Variants in SLC35A3 observed in about 807,000 individuals in gnomAD.
The protein encoded by SLC35A3 is solute carrier family 35 member A3.
A neutral mutation model predicts 39.0 loss-of-function variants in SLC35A3; 26 were observed. That is an observed-to-expected ratio of 0.67 (90% confidence interval 0.49 to 0.92). The LOEUF (loss-of-function observed/expected upper bound fraction) is 0.92. Ranked by LOEUF, SLC35A3 falls within the 40% of genes least tolerant of loss-of-function variation. The pLI is 0.00. For missense variants in SLC35A3, 299 were observed against 371.6 expected (o/e 0.80, Z 1.61); for synonymous variants, 135 against 133.1 (o/e 1.01, Z -0.10).
At chr1:99,974,485 CT>C (rs1432993537) in intron 1 of SLC35A3, among the ~76,000 whole-genome samples, 1 of 151,994 alleles carries the variant, frequency 6.6e-6, no homozygotes, top group East Asian at 1.9e-4. Context: ...CTTGGATGTG[CT>C]TTTTTGTTTT....
chr1:99,981,734 G>A (rs901284392), intron 1 of SLC35A3, among the ~76,000 whole-genome samples: 27 of 152,116 alleles, frequency 1.8e-4, no homozygotes, highest in African/African-American at 6.5e-4. Context: ...GCTCACCTCA[G>A]CCTCCCAAAG....
chr1:100,025,532 A>G lies in SLC35A3; in HGVS notation c.*3056A>G, dbSNP rs999638094. On this transcript the variant is annotated 3_prime_UTR_variant, in exon 8 of 8. Coordinates refer to ENST00000533028, the MANE Select transcript of SLC35A3 (RefSeq NM_012243.3). ...CAAAGCACAATTTTATTAGACAGGC[A>G]TAATTTACATTTTGCTTTTCTAGTG... 3.9e-5 allele frequency: 6 copies of G among 152,344 alleles called. No individual in the cohort carries two copies. Among genetic ancestry groups the G allele is most frequent in the East Asian group, 3.9e-4 (2 of 5,192 alleles). The allele number at this position is 152,344 out of a possible 1,614,324, so 9.4% of individuals were successfully genotyped here.
At chr1:99,991,294 G>A (rs539107861) in intron 1 of SLC35A3, among the ~76,000 whole-genome samples, 2 of 152,172 alleles carry the variant, frequency 1.3e-5, no homozygotes, top group African/African-American at 4.8e-5. Context: ...ACAGGTGCCC[G>A]CCACCATGCC....
chr1:99,970,177 C>T lies in SLC35A3; in HGVS notation c.-19+15C>T, dbSNP rs1656716255. 5.7e-6 allele frequency: 1 copy of T among 176,880 alleles called. No homozygotes were observed. The highest frequency in any genetic ancestry group is 1.2e-5 in the Non-Finnish European group (1 of 83,550). 11.0% of individuals were successfully genotyped at this position (176,880 alleles called of 1,614,324 possible). Reference sequence around the variant, plus strand: ...CTGCGCGGGAGGTGAGTCCTCAGCGCACCTGGGGAGGGGCGGGAACCAGGA... The same window carrying T: ...CTGCGCGGGAGGTGAGTCCTCAGCGTACCTGGGGAGGGGCGGGAACCAGGA... On this transcript the variant is annotated intron_variant, in intron 1 of 7. Transcript: ENST00000533028.
chr1:100,020,674 C>T (rs1010079108), intron 7 of SLC35A3, among the ~76,000 whole-genome samples: 1 of 152,090 alleles, frequency 6.6e-6, no homozygotes, highest in African/African-American at 2.4e-5. Flanking sequence ...TATGGTTGAG[C>T]AGGGGAGTGG....
chr1:100,014,442 A>C (rs1195998202), intron 5 of SLC35A3, among the ~76,000 whole-genome samples: 1 of 152,132 alleles, frequency 6.6e-6, no homozygotes, highest in Non-Finnish European at 1.5e-5. Context: ...GGTGGGTCTT[A>C]AACTCCTGGG....
At position 100,023,747 on chromosome 1, in the gene SLC35A3, G is replaced by A; in HGVS notation, c.*1271G>A. The A allele has an allele frequency of 6.6e-6, 1 of 152,406 alleles. No homozygotes were observed. The highest frequency in any genetic ancestry group is 2.4e-5 in the African/African-American group (1 of 41,574). The allele number at this position is 152,406 out of a possible 1,614,324, so 9.4% of individuals were successfully genotyped here. Reference sequence around the variant, plus strand: ...GAGAAGGCCTGGCGCAGTGGCTCACGCCTGTAATCCTAGCAGTTTGGGAGG... The same window carrying A: ...GAGAAGGCCTGGCGCAGTGGCTCACACCTGTAATCCTAGCAGTTTGGGAGG... On this transcript the variant is annotated 3_prime_UTR_variant, in exon 8 of 8. Coordinates refer to ENST00000533028, the MANE Select transcript of SLC35A3 (RefSeq NM_012243.3).
At position 100,032,377 on chromosome 1, in the gene SLC35A3, TA is replaced by T. The variant is rs1390769480; in HGVS notation, c.*9907del. On this transcript the variant is annotated 3_prime_UTR_variant, in exon 8 of 8. Transcript: ENST00000533028. ...TATTAGTTTATATTCTTTTTTAAAA[TA>T]AAAAAGTATATTTCCCTCCTGTTTC... 3 of 152,098 alleles carry T rather than the reference TA, an allele frequency of 2.0e-5. No individual in the cohort carries two copies. The highest frequency in any genetic ancestry group is 2.1e-4 in the South Asian group (1 of 4,826). 9.4% of individuals were successfully genotyped at this position (152,098 alleles called of 1,614,324 possible).
chr1:99,973,053 G>C (rs1656912627), intron 1 of SLC35A3, among the ~76,000 whole-genome samples: 2 of 152,322 alleles, frequency 1.3e-5, no homozygotes, highest in South Asian at 4.1e-4. Flanking sequence ...CGAGTGATTG[G>C]ATAAGTTACA....
intron 3 of SLC35A3, among the ~76,000 whole-genome samples, chr1:100,001,391 T>C (rs1658788128): frequency 6.6e-6 from 1 of 152,170 alleles, no homozygotes; most frequent in Admixed American, 6.6e-5. Context: ...CATCCGTGTT[T>C]TGTAGTTTTT....
At chr1:99,989,867 T>C (rs1657972272) in intron 1 of SLC35A3, among the ~76,000 whole-genome samples, 1 of 151,698 alleles carries the variant, frequency 6.6e-6, no homozygotes, top group Non-Finnish European at 1.5e-5. Context: ...CTGGGCTCAA[T>C]TGATCCTCCT....
chr1:99,999,408 C>T lies in SLC35A3; in HGVS notation c.335C>T (p.Thr112Ile), dbSNP rs1658617074. The T allele has an allele frequency of 1.3e-6, 2 of 1,578,768 alleles. No individual in the cohort carries two copies. Among genetic ancestry groups the T allele is most frequent in the Admixed American group, 2.0e-5 (1 of 50,544 alleles). The stretch of plus-strand genomic sequence containing the variant: ...GCACTATCAAATCTAGATGCAGCTA[C>T]TTATCAGGTACTTAAAATACATTTC... ...YVALSNLDAA[T>I]YQVTYQLKIL... Residue 112 changes from threonine to isoleucine, a missense_variant, in exon 3 of 8, where the codon ACT becomes ATT. Coordinates refer to ENST00000533028, the MANE Select transcript of SLC35A3 (RefSeq NM_012243.3).
intron 2 of SLC35A3, among the ~76,000 whole-genome samples, 178 bp from the exon 3 acceptor site, chr1:99,999,083 A>G (rs1160888058): frequency 6.6e-6 from 1 of 152,118 alleles, no homozygotes; most frequent in African/African-American, 2.4e-5. Context: ...TTCTTAATAC[A>G]TTATAATATT....
At chr1:99,999,468 A>G in intron 3 of SLC35A3, 53 bp downstream of exon 3, 6 of 1,146,892 alleles carry the variant, frequency 5.2e-6, no homozygotes, top group Non-Finnish European at 7.4e-6. Context: ...CTTATACATA[A>G]TAATTGTATA....
intron 1 of SLC35A3, among the ~76,000 whole-genome samples, chr1:99,989,413 A>T (rs1235033829): frequency 1.3e-5 from 2 of 151,330 alleles, no homozygotes; most frequent in Admixed American, 6.6e-5. Flanking sequence ...CCTCCTGAGT[A>T]GCTGGGATTA....
At chr1:100,001,756 T>TA (rs1306926905) in intron 3 of SLC35A3, among the ~76,000 whole-genome samples, 1 of 152,176 alleles carries the variant, frequency 6.6e-6, no homozygotes, top group African/African-American at 2.4e-5. Flanking sequence ...TTCAGTATGA[T>TA]ATTAGTTGTG....
chr1:100,019,848 C>A (rs1660410016), intron 7 of SLC35A3, among the ~76,000 whole-genome samples: 1 of 152,166 alleles, frequency 6.6e-6, no homozygotes. Flanking sequence ...TCTACTGATA[C>A]AATATCACTG....
Position 100,017,664 on chromosome 1 carries a change from A to AT in SLC35A3, c.754-11dup. On this transcript the variant is annotated splice_polypyrimidine_tract_variant and intron_variant, in intron 6 of 7. Transcript: ENST00000533028. ...GTTTTACATGTGTGTTTTAAAAAAT[A>AT]TTTTTTTAAAACTTCAGGCACTTGG... is the stretch of plus-strand genomic sequence containing the variant. 6.8e-6 allele frequency: 10 copies of AT among 1,476,102 alleles called. No individual in the cohort carries two copies. Among genetic ancestry groups the AT allele is most frequent in the Non-Finnish European group, 8.2e-6 (9 of 1,102,798 alleles). The allele number at this position is 1,476,102 out of a possible 1,614,324, so 91.4% of individuals were successfully genotyped here.
rs1216428656 is a variant in SLC35A3 at position 100,024,121 on chromosome 1, A to G, written c.*1645A>G. 1 of 152,134 alleles carries G rather than the reference A, an allele frequency of 6.6e-6. No homozygotes were observed. Among genetic ancestry groups the G allele is most frequent in the Non-Finnish European group, 1.5e-5 (1 of 68,018 alleles). The allele number at this position is 152,134 out of a possible 1,614,324, so 9.4% of individuals were successfully genotyped here. A position where few individuals can be genotyped will look rare whatever the true frequency, so the allele number is the denominator to read the frequency against. ...GCTGAGGATGCAGATTACATGAGTT[A>G]TTTAATAAGTTGATTCAAGAGAGAG... On this transcript the variant is annotated 3_prime_UTR_variant, in exon 8 of 8. Transcript: ENST00000533028.
Sources: gnomAD v4.1 joint callset for allele counts (sites outside exome capture counted in the v4.1 genomes callset) on GRCh38, gnomAD v4.1.1 for gene constraint, MANE v1.5 for transcripts, NCBI Gene and HGNC (gene_info 2026-07-23, HGNC 2026-07-21) for gene names.